The following RBP7 variants were observed in gnomAD, a reference collection of about 807,000 sequenced individuals.
RBP7 encodes the protein retinoid-binding protein 7.
RBP7 carries 13 observed loss-of-function variants against 16.7 expected under a neutral mutation model. The observed-to-expected ratio is 0.78, with a 90% CI of 0.51 to 1.24. RBP7 has a LOEUF of 1.24. Among genes scored for constraint, RBP7 ranks in the 50% most tolerant of loss-of-function variants. RBP7 has a pLI of 0.00. For missense variants in RBP7, 145 were observed against 159.5 expected, an observed-to-expected ratio of 0.91 and a Z score of 0.49; for synonymous variants, 54 against 56.2, an observed-to-expected ratio of 0.96 and a Z score of 0.17.
rs1371522397 is a variant in RBP7, at chr1:10,015,934, G to T, written c.*102G>T. 3 of 1,098,540 alleles carry T rather than the reference G, an allele frequency of 2.7e-6. No homozygotes were observed. In the East Asian group the frequency reaches 7.1e-5, roughly 26 times the overall value. The allele number at this position is 1,098,540 out of a possible 1,614,324, so 68.0% of individuals were successfully genotyped here. A position where few individuals can be genotyped will look rare whatever the true frequency, so the allele number is the denominator to read the frequency against. On this transcript the variant is annotated 3_prime_UTR_variant, in exon 4 of 4. Coordinates refer to ENST00000294435, the MANE Select transcript of RBP7 (RefSeq NM_052960.3). ...CTATCCCATTTGGCGACGAGGACTC[G>T]TGGCTGGAGAGAGCCACACAGCGTG...
intron 3 of RBP7, among the ~76,000 whole-genome samples, chr1:10,008,833 C>T (rs530380612): frequency 4.9e-4 from 74 of 152,082 alleles, no homozygotes; most frequent in Non-Finnish European, 9.1e-4. Context: ...GCCGAATATT[C>T]CGACAGAGGC....
intron 1 of RBP7, among the ~76,000 whole-genome samples, chr1:10,002,073 C>G (rs1373016360): frequency 6.6e-6 from 1 of 152,112 alleles, no homozygotes; most frequent in Non-Finnish European, 1.5e-5. Flanking sequence ...GGTGACCTGC[C>G]TGCCTCGGCC....
At chr1:10,005,947 C>T (rs1290745687) in intron 1 of RBP7, among the ~76,000 whole-genome samples, 3 of 152,224 alleles carry the variant, frequency 2.0e-5, no homozygotes, top group African/African-American at 2.4e-5. Context: ...TCAGAGTTCC[C>T]GAAACACACT....
intron 3 of RBP7, among the ~76,000 whole-genome samples, chr1:10,012,539 T>A (rs3123522): frequency 6.6e-6 from 1 of 151,642 alleles, no homozygotes; most frequent in Admixed American, 6.6e-5. Flanking sequence ...TGCCTGTAGT[T>A]CCAGTTACTG....
chr1:10,007,291 C>A, intron 1 of RBP7: 1 of 363,842 alleles, frequency 2.7e-6, no homozygotes, highest in Non-Finnish European at 5.1e-6. Context: ...GCTATGTTGC[C>A]CAGGCTGGTC....
chr1:9,999,161 C>G (rs1642224579), intron 1 of RBP7, among the ~76,000 whole-genome samples: 3 of 152,164 alleles, frequency 2.0e-5, no homozygotes, highest in Non-Finnish European at 2.9e-5. Context: ...TTGCCTGCCA[C>G]CATGTAAGAC....
intron 3 of RBP7, among the ~76,000 whole-genome samples, chr1:10,011,033 CAA>C (rs1049565670): frequency 1.8e-4 from 28 of 152,290 alleles, no homozygotes; most frequent in Middle Eastern, 6.8e-3. Flanking sequence ...AGACAGAAAA[CAA>C]AGAAATTTCG....
chr1:10,014,754 G>A (rs544004127), intron 3 of RBP7, among the ~76,000 whole-genome samples: 1 of 152,230 alleles, frequency 6.6e-6, no homozygotes, highest in East Asian at 1.9e-4. Flanking sequence ...TCTGAGTTTT[G>A]TGAGCCCTTC....
intron 3 of RBP7, among the ~76,000 whole-genome samples, chr1:10,011,035 AAG>A (rs1201339763): frequency 6.6e-6 from 1 of 152,020 alleles, no homozygotes; most frequent in Non-Finnish European, 1.5e-5. Flanking sequence ...ACAGAAAACA[AAG>A]AAATTTCGCA....
chr1:10,007,535 C>T (rs750574752), intron 1 of RBP7, 35 bp from the exon 2 acceptor site: 38 of 1,438,754 alleles, frequency 2.6e-5, no homozygotes, highest in African/African-American at 2.2e-4. Context: ...GTATCTCAAG[C>T]GAATGTTCAA....
In RBP7 at chr1:10,015,863, C is replaced by G. The variant is rs549889732; in HGVS notation, c.*31C>G. On this transcript the variant is annotated 3_prime_UTR_variant, in exon 4 of 4. Coordinates refer to ENST00000294435, the MANE Select transcript of RBP7 (RefSeq NM_052960.3). Reference sequence around the variant, plus strand: ...ATCCAGCAGCAGAGCCCACTTGTGGCTGCAGCTTTATGCCAAATTATATTG... The same window carrying G: ...ATCCAGCAGCAGAGCCCACTTGTGGGTGCAGCTTTATGCCAAATTATATTG... 42 of 1,608,012 alleles carry G rather than the reference C, an allele frequency of 2.6e-5. No homozygotes were observed. The highest frequency in any genetic ancestry group is 3.3e-5 in the Non-Finnish European group (39 of 1,174,748).
At chr1:10,001,009 C>A (rs1234293472) in intron 1 of RBP7, among the ~76,000 whole-genome samples, 1 of 152,164 alleles carries the variant, frequency 6.6e-6, no homozygotes, top group Non-Finnish European at 1.5e-5. Context: ...GCTGGGATTA[C>A]AGGCGTGAGC....
chr1:9,999,858 C>T (rs1257330556), intron 1 of RBP7, among the ~76,000 whole-genome samples: 1 of 144,036 alleles, frequency 6.9e-6, no homozygotes, highest in Non-Finnish European at 1.5e-5. Flanking sequence ...GGCTCTATTG[C>T]CTAGGCTGGA....
chr1:10,006,025 G>A (rs1402997642), intron 1 of RBP7, among the ~76,000 whole-genome samples: 2 of 152,166 alleles, frequency 1.3e-5, no homozygotes, highest in Non-Finnish European at 2.9e-5. Context: ...CCAGAAATCT[G>A]TGTGGCTTGA....
intron 3 of RBP7, among the ~76,000 whole-genome samples, chr1:10,010,240 C>G (rs1642575508): frequency 6.6e-6 from 1 of 152,096 alleles, no homozygotes; most frequent in Admixed American, 6.6e-5. Context: ...CTCAGCCTCC[C>G]AAGTAGCTGA....
At chr1:10,003,896 C>A (rs1642346076) in intron 1 of RBP7, among the ~76,000 whole-genome samples, 1 of 151,976 alleles carries the variant, frequency 6.6e-6, no homozygotes, top group African/African-American at 2.4e-5. Flanking sequence ...GCTGGGATTA[C>A]AGGCACCCCC....
In RBP7 at chr1:9,997,232, G is replaced by C. The variant is rs745833658; in HGVS notation, c.-27G>C. On this transcript the variant is annotated 5_prime_UTR_variant, in exon 1 of 4. Coordinates refer to ENST00000294435, the MANE Select transcript of RBP7 (RefSeq NM_052960.3). The surrounding 1 kb of genome is among the most constrained non-coding windows in gnomAD (Gnocchi z 5.9). ...TCCCGGCCCGAGCCTCCGGCCGCCC[G>C]CCGGGTTTGTCCCGCGATCCCCGAC... 3 of 1,278,190 alleles carry C rather than the reference G, an allele frequency of 2.3e-6. No individual in the cohort carries two copies. Among genetic ancestry groups the C allele is most frequent in the Non-Finnish European group, 3.1e-6 (3 of 963,866 alleles). 79.2% of individuals were successfully genotyped at this position (1,278,190 alleles called of 1,614,324 possible).
At position 9,997,278 on chromosome 1, in the gene RBP7, G is replaced by A. The variant is rs1642191690; in HGVS notation, c.20G>A (p.Gly7Asp). Reference protein sequence around the residue: MPADLSGTWTLLSSDNF... With the variant: MPADLSDTWTLLSSDNF... ...CCGACCATGCCCGCCGACCTCAGCG[G>A]TACTTGGACCCTGCTCAGCAGCGAC... Residue 7 changes from glycine (G) to aspartate (D), a missense_variant, in exon 1 of 4, where the codon GGT becomes GAT. Physicochemically the swap from Gly to Asp is moderately conservative, Grantham distance 94. Coordinates refer to ENST00000294435, the MANE Select transcript of RBP7 (RefSeq NM_052960.3). The surrounding 1 kb of genome is among the most constrained non-coding windows in gnomAD (Gnocchi z 5.9). 1.2e-6 allele frequency: 2 copies of A among 1,610,760 alleles called. No homozygotes were observed. The highest frequency in any genetic ancestry group is 1.7e-6 in the Non-Finnish European group (2 of 1,178,924).
At chr1:10,007,839 T>C in intron 2 of RBP7, 91 bp downstream of exon 2, 1 of 1,193,358 alleles carries the variant, frequency 8.4e-7, no homozygotes, top group South Asian at 1.5e-5. Flanking sequence ...CTGAGGTCAG[T>C]AGTTTGAGAC....
Sources: allele counts gnomAD v4.1 joint callset (sites outside exome capture counted in the v4.1 genomes callset), GRCh38; gene constraint gnomAD v4.1.1; non-coding constraint Gnocchi (gnomAD v3.1); transcripts MANE v1.5; gene names NCBI Gene and HGNC (gene_info 2026-07-23, HGNC 2026-07-21).